Variants in ADGRG5 observed in about 807,000 individuals in gnomAD.
The protein encoded by ADGRG5 is adhesion G protein-coupled receptor G5, also known as G protein-coupled receptor 114.
Under a neutral mutation model 53.2 loss-of-function variants are expected in ADGRG5, and 37 were observed. The ratio of observed to expected loss-of-function variants is 0.70; its 90% CI spans 0.53 to 0.91. ADGRG5 has a LOEUF of 0.91. ADGRG5 is among the 40% of genes least tolerant of loss of function. The probability of loss-of-function intolerance (pLI) is 0.00; values close to 1 mark genes in which losing one functional copy is unlikely to be tolerated. For missense variants in ADGRG5, 614 were observed against 675.8 expected (o/e 0.91, Z 1.01); for synonymous variants, 277 against 290.4 (o/e 0.95, Z 0.47).
At chr16:57,562,339 G>A in intron 2 of ADGRG5, 45 bp from the exon 3 acceptor site, 1 of 1,533,184 alleles carries the variant, frequency 6.5e-7, no homozygotes, top group Non-Finnish European at 8.9e-7. Flanking sequence ...TGTGGGGCCA[G>A]AGGGCAGTTG....
chr16:57,539,810 G>A (rs2032463582), upstream of ADGRG5, among the ~76,000 whole-genome samples: 1 of 130,872 alleles, frequency 7.6e-6, no homozygotes, highest in African/African-American at 3.0e-5. Flanking sequence ...ATATGTATGT[G>A]TGTGTGCGTG....
intron 1 of ADGRG5, among the ~76,000 whole-genome samples, chr16:57,557,033 C>T (rs937304469): frequency 6.6e-6 from 1 of 151,614 alleles, no homozygotes; most frequent in African/African-American, 2.4e-5. Flanking sequence ...CGTTAGCCTC[C>T]TGAATAGCTG....
upstream of ADGRG5, among the ~76,000 whole-genome samples, chr16:57,539,606 C>T (rs1215934437): frequency 6.6e-6 from 1 of 151,402 alleles, no homozygotes; most frequent in African/African-American, 2.4e-5. Context: ...GGGCACGTTA[C>T]CATGACCAAC....
At chr16:57,563,360 A>AG (rs1455948921) in intron 4 of ADGRG5, 113 bp downstream of exon 4, 9 of 913,598 alleles carry the variant, frequency 9.9e-6, no homozygotes, top group African/African-American at 1.6e-5. Context: ...CACACCCCAC[A>AG]GTCCAGGCTC....
chr16:57,573,428 C>CA (rs35195501), intron 10 of ADGRG5, among the ~76,000 whole-genome samples: 27,984 of 76,104 alleles, frequency 0.37, 4,019 homozygotes, highest in East Asian at 0.44. Flanking sequence ...GACTCCCTCT[C>CA]AAAAAAAAAA....
chr16:57,537,568 G>A, the ADGRG5 span, among the ~76,000 whole-genome samples: 1 of 152,102 alleles, frequency 6.6e-6, no homozygotes, highest in African/African-American at 2.4e-5. Flanking sequence ...CTTCTGAACT[G>A]GTTTTTGCAG....
Position 57,574,725 on chromosome 16 carries a change from A to G in ADGRG5, c.1209-90A>G. The G allele has an allele frequency of 7.2e-7, 1 of 1,382,450 alleles. No homozygotes were observed. The highest frequency in any genetic ancestry group is 2.7e-4 in the Middle Eastern group (1 of 3,744). The allele number at this position is 1,382,450 out of a possible 1,614,324, so 85.6% of individuals were successfully genotyped here. A position where few individuals can be genotyped will look rare whatever the true frequency, so the allele number is the denominator to read the frequency against. The stretch of plus-strand genomic sequence containing the variant: ...GGCAAGAAACAATAGGGCCTGAGCC[A>G]GGAGACCGAGTGGGGCTTCAGGGAG... On this transcript the variant is annotated intron_variant, in intron 10 of 11. Transcript: ENST00000349457. This position sits in a 1 kb window ranked among gnomAD's most constrained non-coding sequence, Gnocchi z 4.4.
chr16:57,543,628 C>T (rs2032545245), intron 1 of ADGRG5, among the ~76,000 whole-genome samples: 1 of 152,086 alleles, frequency 6.6e-6, no homozygotes, highest in African/African-American at 2.4e-5. Context: ...GATTCCTCAC[C>T]CAGGCCAGGG....
chr16:57,529,173 C>G, the ADGRG5 span: 1 of 1,182,738 alleles, frequency 8.5e-7, no homozygotes, highest in Non-Finnish European at 1.0e-6. The surrounding 1 kb of genome is among the most constrained non-coding windows in gnomAD (Gnocchi z 4.1). Context: ...GGGCCCGTGG[C>G]TCATGGTGCG....
intron 9 of ADGRG5, among the ~76,000 whole-genome samples, chr16:57,569,594 C>G (rs554742178): frequency 6.6e-6 from 1 of 151,350 alleles, no homozygotes; most frequent in South Asian, 2.1e-4. Flanking sequence ...ATCGCCTCCT[C>G]CATCTCCTCC....
chr16:57,569,308 A>G (rs1414688428), intron 9 of ADGRG5, among the ~76,000 whole-genome samples: 1 of 130,148 alleles, frequency 7.7e-6, no homozygotes, highest in African/African-American at 3.0e-5. Flanking sequence ...CATCATCATC[A>G]CCTCCACCTC....
chr16:57,575,338 G>A, intron 11 of ADGRG5, 100 bp from the exon 12 acceptor site: 1 of 1,136,744 alleles, frequency 8.8e-7, no homozygotes, highest in East Asian at 2.5e-5. Flanking sequence ...TCTGGGAGTT[G>A]CCCATGGGCC....
intron 10 of ADGRG5, among the ~76,000 whole-genome samples, chr16:57,572,499 C>T (rs1385626111): frequency 3.3e-5 from 5 of 152,004 alleles, no homozygotes; most frequent in South Asian, 2.1e-4. Flanking sequence ...AAAACACATC[C>T]TGGCCAACAT....
At chr16:57,529,182 C>G in the ADGRG5 span, 1 of 1,179,102 alleles carries the variant, frequency 8.5e-7, no homozygotes, top group Non-Finnish European at 1.0e-6. This position sits in a 1 kb window ranked among gnomAD's most constrained non-coding sequence, Gnocchi z 4.1. Flanking sequence ...GCTCATGGTG[C>G]GGCCGGGCGG....
At chr16:57,570,676 GCAGGGGGCTCCAC>G (rs1294573849) in intron 10 of ADGRG5, 141 bp downstream of exon 10, 4 of 634,186 alleles carry the variant, frequency 6.3e-6, no homozygotes, top group African/African-American at 3.6e-5. Flanking sequence ...AGGGGAGTTT[GCAGGGGGCTCCAC>G]CACATCCCTT....
intron 1 of ADGRG5, among the ~76,000 whole-genome samples, chr16:57,553,897 T>A (rs1399500138): frequency 1.3e-5 from 2 of 152,212 alleles, no homozygotes; most frequent in Non-Finnish European, 2.9e-5. Context: ...TATCATTACT[T>A]ATTTTGTCTT....
chr16:57,543,714 T>G (rs1364458989), intron 1 of ADGRG5, among the ~76,000 whole-genome samples: 1 of 152,080 alleles, frequency 6.6e-6, no homozygotes, highest in Non-Finnish European at 1.5e-5. Context: ...TAGGCCTTCG[T>G]GCTGCTGGGG....
chr16:57,560,144 C>A (rs974958637), intron 1 of ADGRG5, among the ~76,000 whole-genome samples: 3 of 152,164 alleles, frequency 2.0e-5, no homozygotes, highest in Non-Finnish European at 4.4e-5. Flanking sequence ...CTGCTCCCTC[C>A]GGATGGGAAA....
chr16:57,563,053 C>T lies in ADGRG5; in HGVS notation c.141-38C>T, dbSNP rs369234157. ...GCCCCCTCTCACCCTTACCCCACTC[C>T]GGGCTCTGGCCTCCCTGGCCATCTC... is the stretch of plus-strand genomic sequence containing the variant. On this transcript the variant is annotated intron_variant, in intron 3 of 11. Transcript: ENST00000349457. 396 of 1,612,592 alleles carry T rather than the reference C, an allele frequency of 2.5e-4. 2 individuals are homozygous for T. The highest frequency in any genetic ancestry group is 4.6e-4 in the South Asian group (42 of 91,068).
Sources: allele counts gnomAD v4.1 joint callset (sites outside exome capture counted in the v4.1 genomes callset), GRCh38; gene constraint gnomAD v4.1.1; non-coding constraint Gnocchi (gnomAD v3.1); transcripts MANE v1.5; gene names NCBI Gene and HGNC (gene_info 2026-07-23, HGNC 2026-07-21).